Variants in CFAP54 observed in about 807,000 individuals in gnomAD.
The protein encoded by CFAP54 is cilia- and flagella-associated protein 54.
Under a neutral mutation model 370.4 loss-of-function variants are expected in CFAP54, and 290 were observed. That is an observed-to-expected ratio of 0.78 (90% CI 0.71 to 0.86). The LOEUF (loss-of-function observed/expected upper bound fraction) is 0.86. Ranked by LOEUF, CFAP54 falls within the 40% of genes least tolerant of loss-of-function variation. The probability of loss-of-function intolerance (pLI) is 0.00; values close to 1 mark genes in which losing one functional copy is unlikely to be tolerated. For synonymous variants in CFAP54, 1,206 were observed against 1,236.5 expected (o/e 0.98, Z 0.52); for missense variants, 3,399 against 3,528.7 (o/e 0.96, Z 0.93).
chr12:96,734,524 TA>T (rs1169133537), intron 50 of CFAP54, among the ~76,000 whole-genome samples: 1 of 152,226 alleles, frequency 6.6e-6, no homozygotes, highest in African/African-American at 2.4e-5. Context: ...ATTTAACCCT[TA>T]TAATAATCTC....
At chr12:96,700,172 A>G in intron 46 of CFAP54, 79 bp downstream of exon 46, 2 of 1,426,324 alleles carry the variant, frequency 1.4e-6, no homozygotes, top group Admixed American at 2.3e-5. Flanking sequence ...CATTCCCACG[A>G]AAGTGTATTT....
intron 60 of CFAP54, 26 bp downstream of exon 60, chr12:96,765,244 G>A (rs918693586): frequency 2.1e-6 from 3 of 1,444,764 alleles, no homozygotes; most frequent in East Asian, 2.4e-5. Flanking sequence ...TACATATTAT[G>A]CAAAAAAACT....
intron 50 of CFAP54, among the ~76,000 whole-genome samples, chr12:96,732,049 A>G (rs1320593280): frequency 6.6e-6 from 1 of 152,166 alleles, no homozygotes; most frequent in Non-Finnish European, 1.5e-5. Context: ...ACAATATTTT[A>G]GGAAAGACTG....
At chr12:96,522,858 A>G (rs531671577) in intron 8 of CFAP54, among the ~76,000 whole-genome samples, 105 of 152,312 alleles carry the variant, frequency 6.9e-4, no homozygotes, top group African/African-American at 2.3e-3. Context: ...TGGAAGTGAC[A>G]TGAGTCTGTT....
chr12:96,858,881 T>G (rs1959789454), intron 66 of CFAP54, among the ~76,000 whole-genome samples: 1 of 152,162 alleles, frequency 6.6e-6, no homozygotes, highest in Non-Finnish European at 1.5e-5. Context: ...TTCACAGAAC[T>G]AGAAAAAACT....
chr12:96,601,053 T>C (rs1956235954), intron 26 of CFAP54, among the ~76,000 whole-genome samples: 1 of 152,218 alleles, frequency 6.6e-6, no homozygotes, highest in Admixed American at 6.5e-5. Flanking sequence ...TCAAAGGGAA[T>C]GCTTCCGGTT....
At chr12:96,614,057 C>A (rs1320007000) in intron 26 of CFAP54, among the ~76,000 whole-genome samples, 1 of 151,928 alleles carries the variant, frequency 6.6e-6, no homozygotes, top group Non-Finnish European at 1.5e-5. Flanking sequence ...AGAGACACAA[C>A]AAAAAAAGAG....
At chr12:96,646,487 T>G (rs942389356) in intron 33 of CFAP54, 1 of 152,208 alleles carries the variant, frequency 6.6e-6, no homozygotes, top group African/African-American at 2.4e-5. Context: ...GGAACACTTT[T>G]ACACGGTTGG....
chr12:96,554,883 TG>T, intron 17 of CFAP54, 81 bp downstream of exon 17: 2 of 1,285,616 alleles, frequency 1.6e-6, no homozygotes, highest in Non-Finnish European at 2.0e-6. Context: ...ATTTGAAAAC[TG>T]TGTTCTTGTT....
At chr12:96,851,954 A>G (rs760022223) in intron 66 of CFAP54, among the ~76,000 whole-genome samples, 8 of 152,134 alleles carry the variant, frequency 5.3e-5, no homozygotes, top group Admixed American at 2.0e-4. Context: ...ATTCACAGAC[A>G]TAGAAAACCC....
intron 32 of CFAP54, among the ~76,000 whole-genome samples, chr12:96,640,669 C>T (rs1956716416): frequency 6.6e-6 from 1 of 152,204 alleles, no homozygotes; most frequent in East Asian, 1.9e-4. Flanking sequence ...TACCTGACTT[C>T]AAACTATACT....
chr12:96,647,936 A>G lies in CFAP54; in HGVS notation c.4609A>G (p.Arg1537Gly). ...TAATTCAGGAACAGTATTACCAACA[A>G]GAAAATTGACTGTAGAAAATTATAA... ...LYNSGTVLPT[R>G]KLTVENYKAM... The change falls in exon 34 of 68, where the codon AGA becomes GGA. Residue 1537 changes from arginine to glycine, a missense_variant. Arg to Gly is a moderately radical substitution (Grantham distance 125, BLOSUM62 -2). This residue lies in a region of CFAP54 where 2,796 missense variants were observed against 2,869.7 expected (regional missense o/e 0.97). Coordinates refer to ENST00000524981, the MANE Select transcript of CFAP54 (RefSeq NM_001306084.2). 1 of 1,520,894 alleles carries G rather than the reference A, an allele frequency of 6.6e-7. No homozygotes were observed. The highest frequency in any genetic ancestry group is 8.8e-7 in the Non-Finnish European group (1 of 1,141,960). 94.2% of individuals were successfully genotyped at this position (1,520,894 alleles called of 1,614,324 possible).
intron 32 of CFAP54, among the ~76,000 whole-genome samples, chr12:96,633,961 T>G (rs925069397): frequency 6.6e-6 from 1 of 152,062 alleles, no homozygotes; most frequent in Non-Finnish European, 1.5e-5. Context: ...TTACTGGTTT[T>G]TAAATTTTAG....
chr12:96,657,885 A>G lies in CFAP54; in HGVS notation c.5104A>G (p.Ile1702Val), dbSNP rs780127840. The change falls in exon 37 of 68, where the codon ATT becomes GTT. Residue 1702 changes from isoleucine (I) to valine (V), a missense_variant. By Grantham distance (29) the Ile-to-Val change is conservative. Transcript: ENST00000524981. The part of the protein sequence containing the change: ...QLQNTSSIKP[I>V]EDKGEFSVPS... ...TTTTTCACTGTGCTACTTGCAGCCT[A>G]TTGAAGACAAAGGAGAATTCAGTGT... The G allele has an allele frequency of 2.7e-5, 43 of 1,604,654 alleles. No individual in the cohort carries two copies. Among genetic ancestry groups the G allele is most frequent in the Non-Finnish European group, 3.6e-5 (42 of 1,175,076 alleles).
At chr12:96,531,227 A>T in intron 9 of CFAP54, among the ~76,000 whole-genome samples, 1 of 152,242 alleles carries the variant, frequency 6.6e-6, no homozygotes. Context: ...ATAATAGTTT[A>T]CTTACAAGTT....
chr12:96,632,621 C>A (rs1332467600), intron 32 of CFAP54, among the ~76,000 whole-genome samples: 1 of 151,922 alleles, frequency 6.6e-6, no homozygotes, highest in African/African-American at 2.4e-5. Flanking sequence ...CAATATCAAA[C>A]CATCATAATT....
chr12:96,495,319 C>CT (rs1954939048), intron 1 of CFAP54, among the ~76,000 whole-genome samples: 1 of 125,628 alleles, frequency 8.0e-6, no homozygotes, highest in Non-Finnish European at 1.7e-5. Flanking sequence ...CTTCCTTTTT[C>CT]TTTTTTGAGA....
chr12:96,544,122 T>A (rs1374023491), intron 14 of CFAP54, among the ~76,000 whole-genome samples: 1 of 152,168 alleles, frequency 6.6e-6, no homozygotes, highest in Non-Finnish European at 1.5e-5. Context: ...TGCTGTTGAC[T>A]GGAAACCTTC....
chr12:96,825,268 ATAACATGT>A (rs1021691084), intron 65 of CFAP54, among the ~76,000 whole-genome samples: 1 of 104,514 alleles, frequency 9.6e-6, no homozygotes, highest in African/African-American at 3.8e-5. Flanking sequence ...TATATATAAT[ATAACATGT>A]TATATTATAT....
Sources: allele counts gnomAD v4.1 joint callset (sites outside exome capture counted in the v4.1 genomes callset), GRCh38; gene constraint gnomAD v4.1.1; regional missense constraint gnomAD v4.1.1; transcripts MANE v1.5; gene names NCBI Gene and HGNC (gene_info 2026-07-23, HGNC 2026-07-21).